The following CRISPLD2 variants were observed in gnomAD, a reference collection of about 807,000 sequenced individuals.
CRISPLD2 encodes cysteine-rich secretory protein LCCL domain-containing 2.
A neutral mutation model predicts 71.1 loss-of-function variants in CRISPLD2; 47 were observed. The ratio of observed to expected loss-of-function variants is 0.66; its 90% CI spans 0.52 to 0.84. The LOEUF is 0.84. Ranked by LOEUF, CRISPLD2 falls within the 40% of genes least tolerant of loss-of-function variation. The probability of loss-of-function intolerance (pLI) is 0.00; values close to 1 mark genes in which losing one functional copy is unlikely to be tolerated. For missense variants in CRISPLD2, 830 were observed against 651.1 expected (o/e 1.27, Z -2.99); for synonymous variants, 317 against 250.1 (o/e 1.27, Z -2.52).
At chr16:84,864,250 C>G (rs903192) in intron 6 of CRISPLD2, among the ~76,000 whole-genome samples, 31,119 of 152,144 alleles carry the variant, frequency 0.2, 3,567 homozygotes, top group Middle Eastern at 0.28. Flanking sequence ...TTAGGAGGTA[C>G]TCGGATCCAG....
chr16:84,841,978 G>A (rs1567683078), intron 2 of CRISPLD2: 1 of 153,272 alleles, frequency 6.5e-6, no homozygotes, highest in Non-Finnish European at 1.5e-5. Context: ...ACGGGCAGGT[G>A]AGGAGTGACG....
chr16:84,894,842 G>T (rs1429007589), intron 14 of CRISPLD2, among the ~76,000 whole-genome samples: 1 of 151,924 alleles, frequency 6.6e-6, no homozygotes, highest in African/African-American at 2.4e-5. Flanking sequence ...GAGTACCCAC[G>T]GCTGGTGGCT....
intron 14 of CRISPLD2, among the ~76,000 whole-genome samples, chr16:84,896,697 C>T (rs746885544): frequency 1.3e-5 from 2 of 152,108 alleles, no homozygotes; most frequent in Non-Finnish European, 2.9e-5. Flanking sequence ...TTCTGACTTC[C>T]GATGGGTTTA....
chr16:84,862,548 AAC>A (rs1245156616), intron 6 of CRISPLD2, among the ~76,000 whole-genome samples: 1 of 152,112 alleles, frequency 6.6e-6, no homozygotes, highest in Non-Finnish European at 1.5e-5. Flanking sequence ...TACTATAAAT[AAC>A]ACAGGTTTCT....
intron 1 of CRISPLD2, among the ~76,000 whole-genome samples, chr16:84,831,140 T>C (rs1045655298): frequency 6.6e-6 from 1 of 152,266 alleles, no homozygotes; most frequent in East Asian, 1.9e-4. Context: ...CATGGGCCTG[T>C]CAACTCAGCT....
intron 13 of CRISPLD2, among the ~76,000 whole-genome samples, chr16:84,886,116 C>G (rs1276586377): frequency 6.6e-6 from 1 of 152,140 alleles, no homozygotes; most frequent in Admixed American, 6.5e-5. Context: ...TCTCAAACTC[C>G]TGTCCTCAGG....
At chr16:84,820,178 C>A (rs1418550339) in intron 1 of CRISPLD2, 45 bp downstream of exon 1, 1 of 152,220 alleles carries the variant, frequency 6.6e-6, no homozygotes, top group Non-Finnish European at 1.5e-5. Context: ...ACTGTTACCC[C>A]CCCGAGAAGC....
At chr16:84,865,961 G>C (rs1404120403) in intron 6 of CRISPLD2, among the ~76,000 whole-genome samples, 1 of 152,194 alleles carries the variant, frequency 6.6e-6, no homozygotes, top group Non-Finnish European at 1.5e-5. Flanking sequence ...TAGTTGGATA[G>C]TTCTACATGT....
intron 7 of CRISPLD2, among the ~76,000 whole-genome samples, chr16:84,867,597 G>C (rs373543274): frequency 6.6e-6 from 1 of 152,110 alleles, no homozygotes; most frequent in Non-Finnish European, 1.5e-5. Context: ...ATGGAGTTTC[G>C]CTCTTGTCAC....
intron 5 of CRISPLD2, among the ~76,000 whole-genome samples, chr16:84,853,397 G>A (rs146596492): frequency 5.7e-4 from 87 of 152,348 alleles, no homozygotes; most frequent in African/African-American, 2.0e-3. Context: ...ATGTCTTGTG[G>A]CATGGCACGG....
Position 84,889,131 on chromosome 16 carries a change from A to T in CRISPLD2, c.1306-99A>T, listed in dbSNP as rs767049. On this transcript the variant is annotated intron_variant, in intron 13 of 14. Transcript: ENST00000262424. ...TAAGGGTTGATGGGGTCCACATCCC[A>T]CCAGCCAGGTTGCCCAGCAGTGAAT... is the stretch of plus-strand genomic sequence containing the variant. The T allele has an allele frequency of 3.8e-5, 57 of 1,518,494 alleles. No individual in the cohort carries two copies. In the East Asian group the frequency reaches 1.3e-3, roughly 34 times the overall value. 94.1% of individuals were successfully genotyped at this position (1,518,494 alleles called of 1,614,324 possible). A position where few individuals can be genotyped will look rare whatever the true frequency, so the allele number is the denominator to read the frequency against.
intron 12 of CRISPLD2, 85 bp from the exon 13 acceptor site, chr16:84,880,424 C>T: frequency 9.4e-7 from 1 of 1,068,796 alleles, no homozygotes; most frequent in Non-Finnish European, 1.4e-6. Flanking sequence ...GAACTTAAAT[C>T]TTGGAATTCA....
chr16:84,837,762 C>T (rs529375377), intron 1 of CRISPLD2, among the ~76,000 whole-genome samples: 2 of 152,300 alleles, frequency 1.3e-5, no homozygotes, highest in African/African-American at 4.8e-5. Flanking sequence ...AACAGCCTGA[C>T]CTCCTGGGTT....
At chr16:84,827,119 G>A (rs1353020940) in intron 1 of CRISPLD2, among the ~76,000 whole-genome samples, 1 of 150,666 alleles carries the variant, frequency 6.6e-6, no homozygotes, top group African/African-American at 2.4e-5. Context: ...AGCCCCCCAG[G>A]CCCCTCTCAC....
At chr16:84,904,506 C>T (rs2071783639) in intron 14 of CRISPLD2, among the ~76,000 whole-genome samples, 1 of 151,862 alleles carries the variant, frequency 6.6e-6, no homozygotes, top group African/African-American at 2.4e-5. Context: ...ATCACTTGAA[C>T]CTGGGAAGCA....
At chr16:84,844,978 A>C (rs577804151) in intron 2 of CRISPLD2, among the ~76,000 whole-genome samples, 3 of 152,196 alleles carry the variant, frequency 2.0e-5, no homozygotes, top group Non-Finnish European at 2.9e-5. Flanking sequence ...TCACACTGCC[A>C]TTCCAGGACC....
In CRISPLD2 at chr16:84,872,257, A is replaced by G. The variant is rs2071477469; in HGVS notation, c.915-185A>G. On this transcript the variant is annotated intron_variant, in intron 8 of 14. Transcript: ENST00000262424. Reference sequence around the variant, plus strand: ...CCCACGGATACCGAGGGACGACTGTATTGTGCTTGCGTGAATCAGTCTGCG... The same window carrying G: ...CCCACGGATACCGAGGGACGACTGTGTTGTGCTTGCGTGAATCAGTCTGCG... 1.3e-5 allele frequency among the ~76,000 whole-genome samples: 2 copies of G among 152,192 alleles called. 1 individual carries two copies.
chr16:84,884,561 C>G (rs1286999583), intron 13 of CRISPLD2, among the ~76,000 whole-genome samples: 1 of 152,308 alleles, frequency 6.6e-6, no homozygotes, highest in Middle Eastern at 3.4e-3. Flanking sequence ...ATTCCTGTTG[C>G]AGTGGGCCCT....
At chr16:84,866,243 T>G (rs1471843576) in intron 6 of CRISPLD2, among the ~76,000 whole-genome samples, 2 of 151,208 alleles carry the variant, frequency 1.3e-5, no homozygotes, top group Non-Finnish European at 3.0e-5. Flanking sequence ...TTTTTGGTTT[T>G]TTTTTTTGAG....
Sources: gnomAD v4.1 joint callset for allele counts (sites outside exome capture counted in the v4.1 genomes callset) on GRCh38, gnomAD v4.1.1 for gene constraint, MANE v1.5 for transcripts, NCBI Gene and HGNC (gene_info 2026-07-23, HGNC 2026-07-21) for gene names.